Variants in PSIP1 observed in about 807,000 individuals in gnomAD.
PSIP1 encodes the protein PC4 and SRSF1 interacting protein 1.
Under a neutral mutation model 74.7 loss-of-function variants are expected in PSIP1, and 19 were observed. The ratio of observed to expected loss-of-function variants is 0.25; its 90% confidence interval spans 0.18 to 0.37. The LOEUF (loss-of-function observed/expected upper bound fraction) is 0.37. Ranked by LOEUF, PSIP1 falls within the 10% of genes least tolerant of loss-of-function variation. PSIP1 has a pLI of 1.00. For synonymous variants in PSIP1, 222 were observed against 195.3 expected, an observed-to-expected ratio of 1.14 and a Z score of -1.14; for missense variants, 601 against 614.3, an observed-to-expected ratio of 0.98 and a Z score of 0.23.
At chr9:15,509,571 C>G (rs1482976665) in intron 2 of PSIP1, among the ~76,000 whole-genome samples, 1 of 152,218 alleles carries the variant, frequency 6.6e-6, no homozygotes, top group Non-Finnish European at 1.5e-5. Flanking sequence ...TTCCTCGGTA[C>G]TAAACTACTG....
chr9:15,480,876 A>G (rs1223832322), intron 6 of PSIP1, among the ~76,000 whole-genome samples: 1 of 152,202 alleles, frequency 6.6e-6, no homozygotes, highest in African/African-American at 2.4e-5. Context: ...ACTGAAATTC[A>G]TGCCACTGCA....
chr9:15,485,948 C>T (rs867593279), intron 6 of PSIP1, 58 bp downstream of exon 6: 5 of 1,435,876 alleles, frequency 3.5e-6, no homozygotes, highest in Middle Eastern at 3.5e-4. Flanking sequence ...TCTCCCTCAA[C>T]CCAATTAAAA....
intron 8 of PSIP1, among the ~76,000 whole-genome samples, chr9:15,474,492 G>C (rs554075418): frequency 6.6e-6 from 1 of 152,166 alleles, no homozygotes; most frequent in Non-Finnish European, 1.5e-5. Flanking sequence ...TGTTTAAAAA[G>C]TAGACACACT....
intron 2 of PSIP1, among the ~76,000 whole-genome samples, 187 bp from the exon 3 acceptor site, chr9:15,506,824 T>C (rs2037611663): frequency 6.6e-6 from 1 of 152,148 alleles, no homozygotes; most frequent in Non-Finnish European, 1.5e-5. Context: ...CTGTCAAAAC[T>C]CATTTGGTGG....
chr9:15,488,431 T>A (rs1587504960), intron 4 of PSIP1, among the ~76,000 whole-genome samples: 1 of 152,172 alleles, frequency 6.6e-6, no homozygotes, highest in East Asian at 1.9e-4. Flanking sequence ...TTTTTGGACC[T>A]CAGGTCTTAA....
chr9:15,470,501 G>C lies in PSIP1; in HGVS notation c.978-508C>G, dbSNP rs1248034520. ...TAACATTCACTAACATTTCACAAAA[G>C]GTACCATTTTATTGTCAATCACAAA... On this transcript the variant is annotated intron_variant, in intron 10 of 15. Transcript: ENST00000380733. 6.5e-6 allele frequency: 5 copies of C among 768,666 alleles called. No individual in the cohort carries two copies. The South Asian group carries it at 3.0e-4, about 45-fold the overall frequency. 47.6% of individuals were successfully genotyped at this position (768,666 alleles called of 1,614,324 possible).
chr9:15,494,156 A>C (rs1417396736), intron 3 of PSIP1, among the ~76,000 whole-genome samples: 1 of 152,222 alleles, frequency 6.6e-6, no homozygotes, highest in East Asian at 1.9e-4. Context: ...ACATATCATA[A>C]ATTCCTGATC....
At position 15,510,073 on chromosome 9, in the gene PSIP1, G is replaced by C. The variant is rs1226655658; in HGVS notation, c.72+44C>G. On this transcript the variant is annotated intron_variant, in intron 2 of 15. Transcript: ENST00000380733. The stretch of plus-strand genomic sequence containing the variant: ...ACACGGTGGGCAGCAGGCCTCTGGA[G>C]AGGAGGGTAGCACTGCTAAGCGCGA... The C allele has an allele frequency of 3.9e-6, 6 of 1,553,556 alleles. No individual in the cohort carries two copies. The African/African-American group carries it at 4.2e-5, about 11-fold the overall frequency.
At chr9:15,472,379 T>C (rs1587462530) in intron 10 of PSIP1, 1 of 1,287,560 alleles carries the variant, frequency 7.8e-7, no homozygotes, top group Non-Finnish European at 9.8e-7. Context: ...CCAGTATCAA[T>C]TAAATCCTAT....
chr9:15,472,445 C>T, intron 10 of PSIP1, 187 bp downstream of exon 10: 1 of 1,370,972 alleles, frequency 7.3e-7, no homozygotes, highest in Non-Finnish European at 9.3e-7. Context: ...CAGTCAATTT[C>T]ATCCTCTCAG....
chr9:15,467,400 C>G (rs944786406), intron 14 of PSIP1, among the ~76,000 whole-genome samples: 4 of 152,212 alleles, frequency 2.6e-5, no homozygotes, highest in African/African-American at 9.6e-5. Flanking sequence ...AAAAAACCAA[C>G]CGACTGCTTT....
chr9:15,470,635 GTT>G, intron 10 of PSIP1: 1 of 891,222 alleles, frequency 1.1e-6, no homozygotes, highest in Non-Finnish European at 1.3e-6. Context: ...TAAAAATCAG[GTT>G]TTTTTTTTAA....
chr9:15,468,410 T>C (rs959485207), intron 14 of PSIP1: 1 of 668,250 alleles, frequency 1.5e-6, no homozygotes. Context: ...TGAGCAATGG[T>C]TTCTGCCTTA....
At chr9:15,506,822 A>G (rs937530976) in intron 2 of PSIP1, among the ~76,000 whole-genome samples, 185 bp from the exon 3 acceptor site, 1 of 152,016 alleles carries the variant, frequency 6.6e-6, no homozygotes, top group Non-Finnish European at 1.5e-5. Flanking sequence ...TTCTGTCAAA[A>G]CTCATTTGGT....
At chr9:15,506,134 C>T (rs139848396) in intron 3 of PSIP1, 1,758 of 154,072 alleles carry the variant, frequency 0.011, 44 homozygotes, top group African/African-American at 0.041. Flanking sequence ...ACCATATAAA[C>T]ACATGGAGGG....
chr9:15,479,802 C>CCTG, intron 6 of PSIP1, 115 bp from the exon 7 acceptor site: 1 of 625,526 alleles, frequency 1.6e-6, no homozygotes, highest in Non-Finnish European at 2.7e-6. Flanking sequence ...TAGATATAAC[C>CCTG]TCTATATGAT....
intron 3 of PSIP1, chr9:15,492,243 A>G (rs771264898): frequency 1.3e-5 from 2 of 152,248 alleles, no homozygotes; most frequent in Non-Finnish European, 2.9e-5. Context: ...ATCAAAAGCA[A>G]GTTAAGTTAC....
At chr9:15,476,469 T>C (rs1213842210) in intron 8 of PSIP1, among the ~76,000 whole-genome samples, 4 of 152,212 alleles carry the variant, frequency 2.6e-5, no homozygotes, top group Non-Finnish European at 4.4e-5. Flanking sequence ...GTGAATTTGA[T>C]AGTGTTCAAG....
rs7018658 is a variant in PSIP1 at position 15,503,907 on chromosome 9, A to T, written c.149+2654T>A. On this transcript the variant is annotated intron_variant, in intron 3 of 15. Transcript: ENST00000380733. ...GACTACAGGTGCACACTACCATGCC[A>T]GGCTAATTTTTGTATTTTCAGTAGA... 3.9e-5 allele frequency among the ~76,000 whole-genome samples: 6 copies of T among 151,934 alleles called. No homozygotes were observed. The East Asian group carries it at 7.7e-4, about 20-fold the overall frequency.
Sources: gnomAD v4.1 joint callset for allele counts (sites outside exome capture counted in the v4.1 genomes callset) on GRCh38, gnomAD v4.1.1 for gene constraint, MANE v1.5 for transcripts, NCBI Gene and HGNC (gene_info 2026-07-23, HGNC 2026-07-21) for gene names.